GM2A: variants seen among roughly 807,000 people sequenced by gnomAD.
GM2A encodes ganglioside GM2 activator, also known as GM2 ganglioside activator.
In GM2A, 7 loss-of-function variants were observed where a neutral mutation model predicts 12.9. That is an observed-to-expected ratio of 0.54 (90% CI 0.31 to 1.02). The LOEUF (loss-of-function observed/expected upper bound fraction) is 1.02. GM2A is among the 50% of genes least tolerant of loss of function. The probability of loss-of-function intolerance (pLI) is 0.05; values close to 1 mark genes in which losing one functional copy is unlikely to be tolerated. For missense variants in GM2A, 246 were observed against 241.0 expected, an observed-to-expected ratio of 1.02 and a Z score of -0.14; for synonymous variants, 101 against 96.0, an observed-to-expected ratio of 1.05 and a Z score of -0.30.
chr5:151,265,354 G>A (rs1381131432), intron 2 of GM2A, among the ~76,000 whole-genome samples: 1 of 152,182 alleles, frequency 6.6e-6, no homozygotes, highest in African/African-American at 2.4e-5. Flanking sequence ...ACCAGCCTGA[G>A]CCCAGCAGCC....
chr5:151,257,381 A>T (rs1234454937), intron 1 of GM2A, among the ~76,000 whole-genome samples: 1 of 151,866 alleles, frequency 6.6e-6, no homozygotes, highest in African/African-American at 2.4e-5. Flanking sequence ...AGGGGAAGGG[A>T]TTCTTCTCCG....
chr5:151,262,277 G>A (rs953251379), intron 2 of GM2A, among the ~76,000 whole-genome samples: 8 of 152,180 alleles, frequency 5.3e-5, no homozygotes, highest in Non-Finnish European at 1.2e-4. Context: ...CCTTCAGTCT[G>A]TTCCTGATCC....
chr5:151,263,089 CTT>C lies in GM2A; in HGVS notation c.243+3193_243+3194del, dbSNP rs869289721. On this transcript the variant is annotated intron_variant, in intron 2 of 3. Coordinates refer to ENST00000357164, the MANE Select transcript of GM2A (RefSeq NM_000405.5). ...TCTGCTCCTTCTTTTTCCCCAATTT[CTT>C]TTTTTTTTTTTTTTTTTTTGAGATG... is the stretch of plus-strand genomic sequence containing the variant. 8.4e-4 allele frequency among the ~76,000 whole-genome samples: 100 copies of C among 119,524 alleles called. No individual in the cohort carries two copies. The East Asian group carries it at 9.7e-3, about 12-fold the overall frequency. 78.4% of individuals were successfully genotyped at this position (119,524 alleles called of 152,430 possible). A position where few individuals can be genotyped will look rare whatever the true frequency, so the allele number is the denominator to read the frequency against.
intron 1 of GM2A, among the ~76,000 whole-genome samples, chr5:151,259,054 C>T (rs1582069981): frequency 6.6e-6 from 1 of 152,072 alleles, no homozygotes; most frequent in East Asian, 1.9e-4. Flanking sequence ...GGAGGAGGAA[C>T]AGGAGCAGCT....
chr5:151,261,997 T>G (rs548824942), intron 2 of GM2A, among the ~76,000 whole-genome samples: 1 of 152,240 alleles, frequency 6.6e-6, no homozygotes, highest in Non-Finnish European at 1.5e-5. Context: ...TTAGGTCTTT[T>G]GATACATTTT....
chr5:151,256,472 G>C (rs1161210963), intron 1 of GM2A, among the ~76,000 whole-genome samples: 1 of 151,992 alleles, frequency 6.6e-6, no homozygotes, highest in Non-Finnish European at 1.5e-5. Context: ...AGGCATGGTG[G>C]CGTACACCTG....
In GM2A at chr5:151,267,391, G is replaced by C. The variant is rs778176491; in HGVS notation, c.522G>C (p.Leu174=). The C allele has an allele frequency of 9.3e-6, 15 of 1,614,048 alleles. No homozygotes were observed. In the Admixed American group the frequency reaches 1.2e-4, roughly 13 times the overall value. Residue 174 remains leucine (L), a synonymous_variant, in exon 4 of 4, where the codon CTG becomes CTC. Coordinates refer to ENST00000357164, the MANE Select transcript of GM2A (RefSeq NM_000405.5). ...GGAACTACCGCATAGAGAGCGTCCT[G>C]AGCAGCAGTGGGAAGCGTCTGGGCT... is the stretch of plus-strand genomic sequence containing the variant. ...TTGNYRIESV[L]SSSGKRLGCI...
chr5:151,260,729 T>C (rs1223302261), intron 2 of GM2A, among the ~76,000 whole-genome samples: 1 of 152,204 alleles, frequency 6.6e-6, no homozygotes, highest in Non-Finnish European at 1.5e-5. Flanking sequence ...CCCATACAAT[T>C]ACATACATAA....
chr5:151,268,767 C>A lies in GM2A; in HGVS notation c.*1316C>A. ...TCTTACCATTTTAAAAGATTGGCAG[C>A]TAATTATTTTTTTAAAAAGCTGTGC... On this transcript the variant is annotated 3_prime_UTR_variant, in exon 4 of 4. Transcript: ENST00000357164. 2.9e-6 allele frequency: 2 copies of A among 684,910 alleles called. No homozygotes were observed. Among genetic ancestry groups the A allele is most frequent in the African/African-American group, 1.9e-5 (1 of 51,552 alleles). The allele number at this position is 684,910 out of a possible 1,614,324, so 42.4% of individuals were successfully genotyped here. A position where few individuals can be genotyped will look rare whatever the true frequency, so the allele number is the denominator to read the frequency against.
Position 151,267,476 on chromosome 5 carries a change from G to T in GM2A, c.*25G>T. 6.2e-7 allele frequency: 1 copy of T among 1,614,096 alleles called. No individual in the cohort carries two copies. On this transcript the variant is annotated 3_prime_UTR_variant, in exon 4 of 4. Transcript: ENST00000357164. ...ACATGGCATCTGCCACAGCAGAATGGAGCGGTGTGAGGAAGGTCCCTTTTC... is the reference window on the plus strand; with the variant it reads ...ACATGGCATCTGCCACAGCAGAATGTAGCGGTGTGAGGAAGGTCCCTTTTC...
intron 2 of GM2A, among the ~76,000 whole-genome samples, chr5:151,265,252 T>A (rs942597431): frequency 2.6e-5 from 4 of 152,194 alleles, no homozygotes; most frequent in Non-Finnish European, 5.9e-5. Flanking sequence ...CCACAGGATG[T>A]GCTAACTTCT....
At chr5:151,267,037 T>C (rs755809283) in intron 3 of GM2A, 124 bp downstream of exon 3, 74 of 920,366 alleles carry the variant, frequency 8.0e-5, no homozygotes, top group Non-Finnish European at 1.1e-4. Flanking sequence ...CAGTGTGACC[T>C]ATCAGGAATC....
rs1753941614 is a variant in GM2A, at chr5:151,268,505, G to A, written c.*1054G>A. 1.0e-6 allele frequency: 1 copy of A among 985,172 alleles called. No homozygotes were observed. Among genetic ancestry groups the A allele is most frequent in the East Asian group, 1.1e-4 (1 of 8,824 alleles). 61.0% of individuals were successfully genotyped at this position (985,172 alleles called of 1,614,324 possible). A position where few individuals can be genotyped will look rare whatever the true frequency, so the allele number is the denominator to read the frequency against. ...TTACAATGTAAATATTTCTTACACA[G>A]AAAGTCACAGCACATGTGCCCATTG... On this transcript the variant is annotated 3_prime_UTR_variant, in exon 4 of 4. Coordinates refer to ENST00000357164, the MANE Select transcript of GM2A (RefSeq NM_000405.5).
intron 1 of GM2A, 32 bp downstream of exon 1, chr5:151,253,329 C>T: frequency 6.6e-7 from 1 of 1,516,278 alleles, no homozygotes; most frequent in South Asian, 1.1e-5. Context: ...AGTCTGTTTG[C>T]AGCCTCCTGG....
rs1753757016 is a variant in GM2A at position 151,259,679 on chromosome 5, T to A, written c.82-76T>A. ...CAAGGTCACTCTGCCAGGAGCTCATTTTTCCTGTGATCTGTGATAGTTTCT... is the reference window on the plus strand; with the variant it reads ...CAAGGTCACTCTGCCAGGAGCTCATATTTCCTGTGATCTGTGATAGTTTCT... On this transcript the variant is annotated intron_variant, in intron 1 of 3. Transcript: ENST00000357164. 1.5e-5 allele frequency: 21 copies of A among 1,445,990 alleles called. No individual in the cohort carries two copies. In the East Asian group the frequency reaches 4.8e-4, roughly 33 times the overall value. 89.6% of individuals were successfully genotyped at this position (1,445,990 alleles called of 1,614,324 possible).
At chr5:151,260,403 A>G (rs1753773312) in intron 2 of GM2A, among the ~76,000 whole-genome samples, 1 of 152,186 alleles carries the variant, frequency 6.6e-6, no homozygotes, top group Non-Finnish European at 1.5e-5. Context: ...GGATCTTTTG[A>G]GGTCAGGAGT....
At position 151,258,991 on chromosome 5, in the gene GM2A, A is replaced by G. The variant is rs527883654; in HGVS notation, c.82-764A>G. On this transcript the variant is annotated intron_variant, in intron 1 of 3. Transcript: ENST00000357164. Reference sequence around the variant, plus strand: ...TGTTGGAGTGCGGAGTGGTGGTCACATGCAGTCACATGCAGATGTAGTGGT... The same window carrying G: ...TGTTGGAGTGCGGAGTGGTGGTCACGTGCAGTCACATGCAGATGTAGTGGT... 7.9e-5 allele frequency among the ~76,000 whole-genome samples: 12 copies of G among 152,230 alleles called. No individual in the cohort carries two copies. The South Asian group carries it at 2.3e-3, about 29-fold the overall frequency.
intron 1 of GM2A, among the ~76,000 whole-genome samples, chr5:151,255,711 G>C (rs1753672888): frequency 6.6e-6 from 1 of 152,236 alleles, no homozygotes; most frequent in South Asian, 2.1e-4. Flanking sequence ...CAGAAAGTCT[G>C]TTTTGCTTGT....
rs1360017895 is a variant in GM2A, at chr5:151,268,160, G to A, written c.*709G>A. ...CTTCCAGGCTTGATTTCGATTTTTC[G>A]CTTTTTTTTTTTTTGAGACAGAATC... On this transcript the variant is annotated 3_prime_UTR_variant, in exon 4 of 4. Transcript: ENST00000357164. 8 of 883,916 alleles carry A rather than the reference G, an allele frequency of 9.1e-6. No homozygotes were observed. Among genetic ancestry groups the A allele is most frequent in the East Asian group, 2.3e-4 (1 of 4,324 alleles). 54.8% of individuals were successfully genotyped at this position (883,916 alleles called of 1,614,324 possible).
Sources: gnomAD v4.1 joint callset for allele counts (sites outside exome capture counted in the v4.1 genomes callset) on GRCh38, gnomAD v4.1.1 for gene constraint, MANE v1.5 for transcripts, NCBI Gene and HGNC (gene_info 2026-07-23, HGNC 2026-07-21) for gene names.